FOXP2: variants seen among roughly 807,000 people sequenced by gnomAD.
FOXP2 encodes the protein forkhead box P2, also known as forkhead box protein P2.
Under a neutral mutation model 115.8 loss-of-function variants are expected in FOXP2, and 12 were observed. The ratio of observed to expected loss-of-function variants is 0.10; its 90% CI spans 0.07 to 0.17. FOXP2 has a LOEUF of 0.17. FOXP2 is among the 10% of genes least tolerant of loss of function. FOXP2 has a pLI of 1.00. For synonymous variants in FOXP2, 328 were observed against 297.7 expected (o/e 1.10, Z -1.05); for missense variants, 629 against 843.5 (o/e 0.75, Z 3.15).
chr7:114,272,577 G>A (rs868587910), intron 1 of FOXP2, among the ~76,000 whole-genome samples: 1 of 151,730 alleles, frequency 6.6e-6, no homozygotes, highest in African/African-American at 2.4e-5. Context: ...GGCCTATTCT[G>A]GTTATTTATT....
intron 3 of FOXP2, among the ~76,000 whole-genome samples, chr7:114,566,519 G>A (rs573195265): frequency 1.5e-4 from 23 of 152,198 alleles, no homozygotes; most frequent in African/African-American, 5.5e-4. Context: ...CTCACCACGT[G>A]ATTTCTACAC....
rs143494402 is a variant in FOXP2, at chr7:114,554,235, A to G, written c.258+19529A>G. Among the ~76,000 whole-genome samples, 15 of 152,222 alleles carry G rather than the reference A, an allele frequency of 9.9e-5. No homozygotes were observed. The East Asian group carries it at 2.7e-3, about 27-fold the overall frequency. ...ATGGATTACTGTTTGGAACATCCAA[A>G]TGCCCTTTCAGATTAGTGTGATATG... On this transcript the variant is annotated intron_variant, in intron 3 of 16. Coordinates refer to ENST00000350908, the MANE Select transcript of FOXP2 (RefSeq NM_014491.4).
intron 2 of FOXP2, among the ~76,000 whole-genome samples, chr7:114,306,378 A>G (rs1584623615): frequency 6.6e-6 from 1 of 152,252 alleles, no homozygotes; most frequent in Non-Finnish European, 1.5e-5. Context: ...GCTGAGGAAC[A>G]CTCAGCTAGG....
At chr7:114,646,151 A>G (rs1362591414) in intron 8 of FOXP2, among the ~76,000 whole-genome samples, 1 of 151,476 alleles carries the variant, frequency 6.6e-6, no homozygotes, top group Non-Finnish European at 1.5e-5. Flanking sequence ...TCATGTGAAT[A>G]CATTAGTCCT....
intron 1 of FOXP2, among the ~76,000 whole-genome samples, chr7:114,121,649 A>G (rs1339002364): frequency 1.3e-5 from 2 of 152,108 alleles, no homozygotes; most frequent in Non-Finnish European, 2.9e-5. Flanking sequence ...ACATAACTGA[A>G]ACTAGAATTT....
chr7:114,334,928 AATCTATATATATATAT>A (rs1205542470), intron 2 of FOXP2, among the ~76,000 whole-genome samples: 37 of 111,826 alleles, frequency 3.3e-4, no homozygotes, highest in African/African-American at 1.2e-3. Context: ...TATATATAGA[AATCTATATATATATAT>A]ATATATATAT....
chr7:114,206,827 A>C (rs1794213566), intron 1 of FOXP2, among the ~76,000 whole-genome samples: 1 of 152,202 alleles, frequency 6.6e-6, no homozygotes, highest in Non-Finnish European at 1.5e-5. Context: ...CACTTAGCAT[A>C]AAATTCACCA....
At chr7:114,589,578 A>G (rs911777059) in intron 3 of FOXP2, among the ~76,000 whole-genome samples, 15 of 152,092 alleles carry the variant, frequency 9.9e-5, no homozygotes, top group African/African-American at 3.6e-4. Context: ...CTCCAGGCAG[A>G]TGGTTTGTTT....
chr7:114,564,619 C>A (rs1264859774), intron 3 of FOXP2, among the ~76,000 whole-genome samples: 2 of 151,828 alleles, frequency 1.3e-5, no homozygotes, highest in Non-Finnish European at 2.9e-5. Flanking sequence ...GTGGCTCATA[C>A]CTATAATCTC....
At chr7:114,272,578 G>T (rs1304172629) in intron 1 of FOXP2, among the ~76,000 whole-genome samples, 1 of 151,686 alleles carries the variant, frequency 6.6e-6, no homozygotes, top group African/African-American at 2.4e-5. Context: ...GCCTATTCTG[G>T]TTATTTATTT....
At chr7:114,182,015 A>G (rs142847601) in intron 1 of FOXP2, among the ~76,000 whole-genome samples, 1 of 152,166 alleles carries the variant, frequency 6.6e-6, no homozygotes, top group Non-Finnish European at 1.5e-5. Context: ...TATATATCAT[A>G]TACATTTTTC....
At chr7:114,427,773 C>A (rs1793922636) in intron 2 of FOXP2, among the ~76,000 whole-genome samples, 1 of 151,350 alleles carries the variant, frequency 6.6e-6, no homozygotes, top group South Asian at 2.1e-4. Flanking sequence ...TTATTTTAAA[C>A]AATAACAGCA....
intron 1 of FOXP2, among the ~76,000 whole-genome samples, chr7:114,149,635 A>C (rs1237095504): frequency 2.0e-5 from 3 of 152,040 alleles, no homozygotes; most frequent in Non-Finnish European, 4.4e-5. Flanking sequence ...GTGTTCATTA[A>C]AGTAATAAAA....
At chr7:114,398,318 ACTT>A (rs1376124946) in intron 2 of FOXP2, among the ~76,000 whole-genome samples, 2 of 152,162 alleles carry the variant, frequency 1.3e-5, no homozygotes, top group African/African-American at 2.4e-5. Flanking sequence ...TGGAAAAAAT[ACTT>A]CTTAAATAGA....
intron 8 of FOXP2, chr7:114,645,902 A>G (rs1412571116): frequency 6.6e-6 from 1 of 152,074 alleles, no homozygotes; most frequent in African/African-American, 2.4e-5. Flanking sequence ...AATTTGCTTC[A>G]TATACCACTA....
At chr7:114,185,781 A>AT (rs1226727770) in intron 1 of FOXP2, among the ~76,000 whole-genome samples, 1 of 152,144 alleles carries the variant, frequency 6.6e-6, no homozygotes, top group Non-Finnish European at 1.5e-5. Context: ...AATTAGTTTC[A>AT]TTTTTTATTC....
intron 3 of FOXP2, among the ~76,000 whole-genome samples, chr7:114,566,469 TAA>T (rs1433499182): frequency 7.6e-4 from 115 of 152,096 alleles, no homozygotes; most frequent in African/African-American, 2.7e-3. Flanking sequence ...GAGCTGGTTG[TAA>T]AAAAGAGTCT....
intron 1 of FOXP2, among the ~76,000 whole-genome samples, chr7:114,245,004 C>T (rs1217648372): frequency 1.3e-5 from 2 of 152,128 alleles, no homozygotes; most frequent in African/African-American, 2.4e-5. Context: ...CCTCGTGATC[C>T]GCCCGCCTCG....
chr7:114,606,056 G>A (rs1021029613), intron 3 of FOXP2, among the ~76,000 whole-genome samples: 5 of 152,150 alleles, frequency 3.3e-5, no homozygotes, highest in Non-Finnish European at 5.9e-5. Flanking sequence ...CCAAGAAGGC[G>A]TTGGACTGAA....
Sources: allele counts gnomAD v4.1 joint callset (sites outside exome capture counted in the v4.1 genomes callset), GRCh38; gene constraint gnomAD v4.1.1; transcripts MANE v1.5; gene names NCBI Gene and HGNC (gene_info 2026-07-23, HGNC 2026-07-21).